Variants in ZNF829 observed in about 807,000 individuals in gnomAD.
ZNF829 encodes zinc finger protein 829.
A neutral mutation model predicts 35.2 loss-of-function variants in ZNF829; 25 were observed. The observed-to-expected ratio is 0.71, with a 90% CI of 0.52 to 0.99. The LOEUF (loss-of-function observed/expected upper bound fraction) is 0.99. ZNF829 is among the 50% of genes least tolerant of loss of function. ZNF829 has a pLI of 0.00. For missense variants in ZNF829, 417 were observed against 515.3 expected (o/e 0.81, Z 1.85); for synonymous variants, 136 against 163.2 (o/e 0.83, Z 1.27).
In ZNF829 at chr19:36,914,314, C is replaced by T. The variant is rs192217561; in HGVS notation, c.96+651G>A. Among the ~76,000 whole-genome samples, 20 of 152,084 alleles carry T rather than the reference C, an allele frequency of 1.3e-4. No homozygotes were observed. The East Asian group carries it at 3.5e-3, about 26-fold the overall frequency. ...TGAAATAGTCCAAATAGTAGGAAAA[C>T]AATCAATAAAGGACTGAGATCCAGA... On this transcript the variant is annotated intron_variant, in intron 3 of 5. Coordinates refer to ENST00000391711, the MANE Select transcript of ZNF829 (RefSeq NM_001037232.4).
rs532965369 is a variant in ZNF829 at position 36,895,376 on chromosome 19, AG to A, written c.320-2906del. Among the ~76,000 whole-genome samples the A allele has an allele frequency of 3.3e-5, 5 of 152,294 alleles. No individual in the cohort carries two copies. In the South Asian group the frequency reaches 1.0e-3, roughly 32 times the overall value. On this transcript the variant is annotated intron_variant, in intron 5 of 5. Transcript: ENST00000391711. ...ATGAAAATAAGAAGCTCACTGGTAG[AG>A]CAGATACACAAATGGAAAGAGAAAG...
chr19:36,892,794 A>C, intron 5 of ZNF829: 1 of 568,926 alleles, frequency 1.8e-6, no homozygotes, highest in East Asian at 3.4e-5. Flanking sequence ...TAAAAAAAAA[A>C]AATTTTTTTT....
rs772900776 is a variant in ZNF829 at position 36,915,190 on chromosome 19, G to A, written c.-23C>T. On this transcript the variant is annotated 5_prime_UTR_variant, in exon 2 of 6. Transcript: ENST00000391711. The stretch of plus-strand genomic sequence containing the variant: ...CATTCTGTCCAATTCCAGTGGCTCA[G>A]GGGAAAGGTTGTGTTCACTGCTGTC... 5.0e-6 allele frequency: 8 copies of A among 1,614,044 alleles called. No individual in the cohort carries two copies. Among genetic ancestry groups the A allele is most frequent in the Middle Eastern group, 1.6e-4 (1 of 6,062 alleles).
intron 5 of ZNF829, among the ~76,000 whole-genome samples, chr19:36,903,257 G>A (rs2073186961): frequency 6.6e-6 from 1 of 152,196 alleles, no homozygotes; most frequent in African/African-American, 2.4e-5. Flanking sequence ...TATTTAATAT[G>A]TATGCCTTGT....
chr19:36,891,880 G>A lies in ZNF829; in HGVS notation c.911C>T (p.Ala304Val). ...AATAAGCCTTGAGTGTTGAGTAAAG[G>A]CTTTCCCACATTCTTTACATTCATA... ...KPYECKECGK[A>V]FTQHSRLIQH... The change falls in exon 6 of 6, where the codon GCC (alanine) becomes GTC (valine). Residue 304 changes from alanine to valine, a missense_variant. By Grantham distance (64) the Ala-to-Val change is moderately conservative. Transcript: ENST00000391711. 6.2e-7 allele frequency: 1 copy of A among 1,613,996 alleles called. No homozygotes were observed. Among genetic ancestry groups the A allele is most frequent in the Non-Finnish European group, 8.5e-7 (1 of 1,179,964 alleles).
intron 5 of ZNF829, among the ~76,000 whole-genome samples, chr19:36,903,070 T>C (rs894839806): frequency 6.6e-6 from 1 of 152,054 alleles, no homozygotes; most frequent in Non-Finnish European, 1.5e-5. Context: ...AAAAAGTAAC[T>C]GTGTTGCTCT....
intron 5 of ZNF829, among the ~76,000 whole-genome samples, chr19:36,900,032 A>G (rs891510434): frequency 6.6e-6 from 1 of 152,014 alleles, no homozygotes; most frequent in Non-Finnish European, 1.5e-5. Context: ...GAGGCTGGGC[A>G]TGGTGGCTCA....
intron 5 of ZNF829, among the ~76,000 whole-genome samples, chr19:36,899,864 T>C (rs1171202363): frequency 6.6e-6 from 1 of 151,912 alleles, no homozygotes; most frequent in African/African-American, 2.4e-5. Context: ...GTTGTACACC[T>C]AGAATTTATA....
intron 3 of ZNF829, among the ~76,000 whole-genome samples, chr19:36,910,367 G>A (rs374032158): frequency 2.0e-5 from 3 of 152,288 alleles, no homozygotes; most frequent in East Asian, 3.9e-4. Context: ...TGACAGGCGT[G>A]AGCCACCACG....
intron 5 of ZNF829, among the ~76,000 whole-genome samples, chr19:36,895,176 A>C (rs531147019): frequency 6.6e-6 from 1 of 152,208 alleles, no homozygotes; most frequent in East Asian, 1.9e-4. Context: ...ATATATTCAA[A>C]GTGCTAAAAA....
chr19:36,915,341 A>C (rs2073307327), intron 1 of ZNF829, 90 bp from the exon 2 acceptor site: 1 of 1,458,430 alleles, frequency 6.9e-7, no homozygotes, highest in Non-Finnish European at 9.1e-7. Context: ...GGACAGTCAC[A>C]CTTAAGGCGA....
At chr19:36,900,847 G>GAAAAAAAAAAAAA in intron 5 of ZNF829, among the ~76,000 whole-genome samples, 2 of 88,976 alleles carry the variant, frequency 2.2e-5, no homozygotes, top group Non-Finnish European at 4.3e-5. Context: ...GACTGTCTCA[G>GAAAAAAAAAAAAA]AAAAAAAAAA....
intron 5 of ZNF829, chr19:36,905,939 T>C (rs187210562): frequency 3.3e-5 from 5 of 152,268 alleles, no homozygotes; most frequent in Admixed American, 2.6e-4. Flanking sequence ...GTAGTCCTAT[T>C]TCTATTGGGG....
Position 36,890,317 on chromosome 19 carries a change from G to A in ZNF829, c.*1175C>T, listed in dbSNP as rs1320088590. ...TCCAATTTAAGTCCAGAGTTTCTTTGTTGATTTCTGTCCCAGTGATCTGTC... is the reference window on the plus strand; with the variant it reads ...TCCAATTTAAGTCCAGAGTTTCTTTATTGATTTCTGTCCCAGTGATCTGTC... On this transcript the variant is annotated 3_prime_UTR_variant, in exon 6 of 6. Transcript: ENST00000391711. 1 of 152,118 alleles carries A rather than the reference G, an allele frequency of 6.6e-6. No individual in the cohort carries two copies. The highest frequency in any genetic ancestry group is 1.5e-5 in the Non-Finnish European group (1 of 68,042). The allele number at this position is 152,118 out of a possible 1,614,324, so 9.4% of individuals were successfully genotyped here. A position where few individuals can be genotyped will look rare whatever the true frequency, so the allele number is the denominator to read the frequency against.
At position 36,892,158 on chromosome 19, in the gene ZNF829, G is replaced by C. The variant is rs2073061020; in HGVS notation, c.633C>G (p.Pro211=). The C allele has an allele frequency of 6.2e-7, 1 of 1,613,986 alleles. No individual in the cohort carries two copies. The highest frequency in any genetic ancestry group is 1.3e-5 in the African/African-American group (1 of 74,934). The change falls in exon 6 of 6, where the codon CCC becomes CCG. Residue 211 remains proline, a synonymous_variant. Transcript: ENST00000391711. ...CCTTGCCACATTCCTTACATTCATAGGGTTTTTTACCAGTGTGAATCCTCT... is the reference window on the plus strand; with the variant it reads ...CCTTGCCACATTCCTTACATTCATACGGTTTTTTACCAGTGTGAATCCTCT... ...RHQRIHTGKK[P]YECKECGKAF...
chr19:36,912,155 C>A (rs977918436), intron 3 of ZNF829, among the ~76,000 whole-genome samples: 1 of 146,296 alleles, frequency 6.8e-6, no homozygotes, highest in Non-Finnish European at 1.5e-5. Flanking sequence ...TTAATTATGT[C>A]CCTTTTCATA....
At position 36,888,238 on chromosome 19, in the gene ZNF829, T is replaced by C. The variant is rs960830978; in HGVS notation, c.*3254A>G. 6.6e-6 allele frequency: 1 copy of C among 152,194 alleles called. No individual in the cohort carries two copies. The highest frequency in any genetic ancestry group is 2.4e-5 in the African/African-American group (1 of 41,468). The allele number at this position is 152,194 out of a possible 1,614,324, so 9.4% of individuals were successfully genotyped here. ...AATGAAATTATAAATTGTGCTGTCT[T>C]GTTTGATCAAAAGTTTGATAAAACA... On this transcript the variant is annotated 3_prime_UTR_variant, in exon 6 of 6. Coordinates refer to ENST00000391711, the MANE Select transcript of ZNF829 (RefSeq NM_001037232.4).
intron 5 of ZNF829, among the ~76,000 whole-genome samples, chr19:36,904,087 T>A (rs1350245375): frequency 6.6e-6 from 1 of 152,016 alleles, no homozygotes; most frequent in East Asian, 1.9e-4. Context: ...ATAACACCAA[T>A]GGGGATGCAC....
At chr19:36,898,760 C>T (rs924937105) in intron 5 of ZNF829, among the ~76,000 whole-genome samples, 1 of 152,084 alleles carries the variant, frequency 6.6e-6, no homozygotes, top group Non-Finnish European at 1.5e-5. Flanking sequence ...GGGAAAAGGA[C>T]ACGCTGTTCA....
Sources: allele counts gnomAD v4.1 joint callset (sites outside exome capture counted in the v4.1 genomes callset), GRCh38; gene constraint gnomAD v4.1.1; transcripts MANE v1.5; gene names NCBI Gene and HGNC (gene_info 2026-07-23, HGNC 2026-07-21).